DAG1: variants seen among roughly 807,000 people sequenced by gnomAD.
DAG1 encodes the protein dystroglycan 1 (dystrophin-associated glycoprotein 1).
A neutral mutation model predicts 46.1 loss-of-function variants in DAG1; 8 were observed. That is an observed-to-expected ratio of 0.17 (90% CI 0.10 to 0.31). The LOEUF is 0.31. Ranked by LOEUF, DAG1 falls within the 10% of genes least tolerant of loss-of-function variation. The pLI, the probability that DAG1 is intolerant of heterozygous loss-of-function variation, is 1.00. For synonymous variants in DAG1, 495 were observed against 481.8 expected, an observed-to-expected ratio of 1.03 and a Z score of -0.36; for missense variants, 1,003 against 1,189.9, an observed-to-expected ratio of 0.84 and a Z score of 2.31.
At chr3:49,492,410 G>T (rs776482137) in intron 1 of DAG1, among the ~76,000 whole-genome samples, 3 of 152,192 alleles carry the variant, frequency 2.0e-5, no homozygotes, top group Non-Finnish European at 4.4e-5. Context: ...ATTTTAGGAG[G>T]CTGAGGTGGG....
intron 2 of DAG1, among the ~76,000 whole-genome samples, chr3:49,515,388 G>GTTTTTTTT (rs71627397): frequency 7.7e-6 from 1 of 130,238 alleles, no homozygotes; most frequent in Non-Finnish European, 1.6e-5. Context: ...TTCTTGTGTT[G>GTTTTTTTT]TTTTTTTTTT....
chr3:49,479,675 TCACC>T, intron 1 of DAG1, among the ~76,000 whole-genome samples: 1 of 114,846 alleles, frequency 8.7e-6, no homozygotes, highest in South Asian at 3.0e-4. Context: ...TCTCCCTCTG[TCACC>T]TGGGCTGGAG....
intron 2 of DAG1, 148 bp downstream of exon 2, chr3:49,510,967 A>G: frequency 6.6e-7 from 1 of 1,516,776 alleles, no homozygotes; most frequent in Non-Finnish European, 8.8e-7. Context: ...ACTGATGTTC[A>G]TAAGAGAATC....
At position 49,533,080 on chromosome 3, in the gene DAG1, G is replaced by T; in HGVS notation, c.2569G>T (p.Asp857Tyr). The change falls in exon 3 of 3, where the codon GAT becomes TAT. Residue 857 changes from aspartate to tyrosine, a missense_variant. Physicochemically the swap from Asp to Tyr is radical, Grantham distance 160 (BLOSUM62 -3). Transcript: ENST00000308775. ...AGAGTACACGCCCCTGCGGGATGAG[G>T]ATCCCAATGCGCCTCCCTACCAGCC... ...MGEYTPLRDE[D>Y]PNAPPYQPPP... The T allele has an allele frequency of 1.9e-6, 3 of 1,614,148 alleles. No individual in the cohort carries two copies. Among genetic ancestry groups the T allele is most frequent in the South Asian group, 1.1e-5 (1 of 91,076 alleles).
chr3:49,501,814 CAAA>C (rs397946201), intron 1 of DAG1, among the ~76,000 whole-genome samples: 1 of 121,700 alleles, frequency 8.2e-6, no homozygotes, highest in African/African-American at 3.2e-5. Flanking sequence ...ACTCCCTCTC[CAAA>C]AAAAAAAAAA....
At chr3:49,502,529 A>G (rs2050480593) in intron 1 of DAG1, among the ~76,000 whole-genome samples, 1 of 152,180 alleles carries the variant, frequency 6.6e-6, no homozygotes, top group Admixed American at 6.5e-5. Flanking sequence ...AGTGTGGAAC[A>G]AGGTAGTAGA....
chr3:49,508,300 C>G (rs576242218), intron 1 of DAG1, among the ~76,000 whole-genome samples: 4 of 150,558 alleles, frequency 2.7e-5, no homozygotes, highest in Non-Finnish European at 5.9e-5. Context: ...CTCCTGGGTT[C>G]GAGCAATTCT....
intron 1 of DAG1, among the ~76,000 whole-genome samples, chr3:49,490,308 G>A (rs2050147832): frequency 1.3e-5 from 2 of 151,254 alleles, no homozygotes; most frequent in African/African-American, 4.9e-5. Flanking sequence ...AGCCGAGATC[G>A]CGCCACTGCC....
chr3:49,532,837 C>T lies in DAG1; in HGVS notation c.2326C>T (p.Arg776Cys), dbSNP rs752441031. The T allele has an allele frequency of 1.1e-5, 17 of 1,613,938 alleles. No homozygotes were observed. The highest frequency in any genetic ancestry group is 1.6e-4 in the Middle Eastern group (1 of 6,084). Residue 776 changes from arginine (R) to cysteine (C), a missense_variant, in exon 3 of 3, where the codon CGC (arginine) becomes TGC (cysteine). Transcript: ENST00000308775. This position sits in a 1 kb window ranked among gnomAD's most constrained non-coding sequence, Gnocchi z 5.4. ...TGGCATCATTGCCATGATCTGCTAC[C>T]GCAAGAAGCGGAAGGGCAAGCTTAC... ...IAGIIAMICY[R>C]KKRKGKLTLE...
In DAG1 at chr3:49,525,588, C is replaced by T. The variant is rs182901846; in HGVS notation, c.286-5209C>T. On this transcript the variant is annotated intron_variant, in intron 2 of 2. Coordinates refer to ENST00000308775, the MANE Select transcript of DAG1 (RefSeq NM_004393.6). ...TTTTTTTTTTTTTGAGACGGAATCT[C>T]GCTCTGTCGCCCAGGCTGGAGTGCC... is the stretch of plus-strand genomic sequence containing the variant. Among the ~76,000 whole-genome samples the T allele has an allele frequency of 7.3e-5, 11 of 150,558 alleles. No individual in the cohort carries two copies. In the East Asian group the frequency reaches 2.0e-3, roughly 27 times the overall value.
rs796607365 is a variant in DAG1, at chr3:49,495,048, A to G, written c.-116-15371A>G. On this transcript the variant is annotated intron_variant, in intron 1 of 2. Transcript: ENST00000308775. ...ACTGGGAGAGAAAGCAGCAGAGTCA[A>G]TGCTGTCAAGACCCCTGCAGTGGAC... 4.6e-5 allele frequency among the ~76,000 whole-genome samples: 7 copies of G among 152,202 alleles called. No individual in the cohort carries two copies. In the East Asian group the frequency reaches 5.8e-4, roughly 13 times the overall value.
In DAG1 at chr3:49,480,646, T is replaced by C. The variant is rs1219640350; in HGVS notation, c.-117+10213T>C. On this transcript the variant is annotated intron_variant, in intron 1 of 2. Transcript: ENST00000308775. ...CCCTAATTCTTAGACAGTTTGGTTC[T>C]TTTTTTTTGTTTTTCTTCTTATTAT... is the stretch of plus-strand genomic sequence containing the variant. 1.4e-5 allele frequency among the ~76,000 whole-genome samples: 2 copies of C among 143,836 alleles called. 1 individual carries two copies. The highest frequency in any genetic ancestry group is 3.2e-5 in the Non-Finnish European group (2 of 62,692). 94.4% of individuals were successfully genotyped at this position (143,836 alleles called of 152,430 possible). A position where few individuals can be genotyped will look rare whatever the true frequency, so the allele number is the denominator to read the frequency against.
chr3:49,486,741 G>A (rs749723023), intron 1 of DAG1, among the ~76,000 whole-genome samples: 4 of 152,126 alleles, frequency 2.6e-5, no homozygotes, highest in African/African-American at 9.7e-5. Context: ...GACCTCGGGT[G>A]ATCTGCCCAC....
intron 2 of DAG1, among the ~76,000 whole-genome samples, chr3:49,513,981 A>G (rs375889099): frequency 6.6e-6 from 1 of 152,246 alleles, no homozygotes; most frequent in African/African-American, 2.4e-5. Flanking sequence ...AGCAAACTAG[A>G]TATTTGTTGT....
chr3:49,516,654 C>T (rs2050905594), intron 2 of DAG1, among the ~76,000 whole-genome samples: 1 of 152,128 alleles, frequency 6.6e-6, no homozygotes, highest in Non-Finnish European at 1.5e-5. Flanking sequence ...ATTGGGAGCC[C>T]CTTTAAGTTG....
Position 49,531,979 on chromosome 3 carries a change from G to A in DAG1, c.1468G>A (p.Gly490Ser). The A allele has an allele frequency of 6.2e-7, 1 of 1,614,178 alleles. No individual in the cohort carries two copies. The highest frequency in any genetic ancestry group is 8.5e-7 in the Non-Finnish European group (1 of 1,180,026). The change falls in exon 3 of 3, where the codon GGC becomes AGC. Residue 490 changes from glycine to serine, a missense_variant. Around this residue, in one of 3 missense-constraint regions of DAG1, gnomAD observed 755 missense variants for 854.1 expected, o/e 0.88. Coordinates refer to ENST00000308775, the MANE Select transcript of DAG1 (RefSeq NM_004393.6). This position sits in a 1 kb window ranked among gnomAD's most constrained non-coding sequence, Gnocchi z 7.0. Reference protein sequence around the residue: ...IRTTTSGVPRGGEPNQRPELK... With the variant: ...IRTTTSGVPRSGEPNQRPELK... ...CACCACCACCAGTGGAGTGCCCCGT[G>A]GCGGAGAACCCAACCAGCGCCCAGA... is the stretch of plus-strand genomic sequence containing the variant.
At position 49,532,047 on chromosome 3, in the gene DAG1, C is replaced by G; in HGVS notation, c.1536C>G (p.Thr512=). 1 of 1,614,184 alleles carries G rather than the reference C, an allele frequency of 6.2e-7. No homozygotes were observed. The highest frequency in any genetic ancestry group is 8.5e-7 in the Non-Finnish European group (1 of 1,180,038). The part of the protein sequence containing the change: ...HIDRVDAWVG[T]YFEVKIPSDT... ...ACAGGGTAGATGCCTGGGTTGGCACCTACTTTGAGGTGAAGATCCCGTCAG... is the reference window on the plus strand; with the variant it reads ...ACAGGGTAGATGCCTGGGTTGGCACGTACTTTGAGGTGAAGATCCCGTCAG... Residue 512 remains threonine (T), a synonymous_variant, in exon 3 of 3, where the codon ACC becomes ACG. Coordinates refer to ENST00000308775, the MANE Select transcript of DAG1 (RefSeq NM_004393.6). The surrounding 1 kb of genome is among the most constrained non-coding windows in gnomAD (Gnocchi z 5.4).
chr3:49,521,645 C>T (rs562445731), intron 2 of DAG1, among the ~76,000 whole-genome samples: 67 of 152,170 alleles, frequency 4.4e-4, no homozygotes, highest in African/African-American at 1.5e-3. Context: ...GACGTTTTGC[C>T]GTGTTGCCCA....
chr3:49,490,948 C>T (rs1455012858), intron 1 of DAG1, among the ~76,000 whole-genome samples: 1 of 145,644 alleles, frequency 6.9e-6, no homozygotes, highest in East Asian at 2.0e-4. Flanking sequence ...TGCAGTGGCA[C>T]GATCTTGGCT....
Sources: gnomAD v4.1 joint callset for allele counts (sites outside exome capture counted in the v4.1 genomes callset) on GRCh38, gnomAD v4.1.1 for gene constraint, gnomAD v4.1.1 regional missense constraint, Gnocchi (gnomAD v3.1) non-coding constraint, MANE v1.5 for transcripts, NCBI Gene and HGNC (gene_info 2026-07-23, HGNC 2026-07-21) for gene names.